RFX3: variants seen among roughly 807,000 people sequenced by gnomAD.
RFX3 encodes the protein transcription factor RFX3.
In RFX3, 14 loss-of-function variants were observed where a neutral mutation model predicts 98.6. The observed-to-expected ratio is 0.14, with a 90% CI of 0.09 to 0.22. RFX3 has a LOEUF of 0.22. Ranked by LOEUF, RFX3 falls within the 10% of genes least tolerant of loss-of-function variation. RFX3 has a pLI of 1.00. For missense variants in RFX3, 639 were observed against 926.9 expected (o/e 0.69, Z 4.03); for synonymous variants, 383 against 328.4 (o/e 1.17, Z -1.80).
At chr9:3,424,978 C>T (rs1221026480) in intron 1 of RFX3, among the ~76,000 whole-genome samples, 2 of 152,014 alleles carry the variant, frequency 1.3e-5, no homozygotes, top group Non-Finnish European at 2.9e-5. Context: ...ACCTGTAATC[C>T]CAGCACTTTG....
chr9:3,275,147 C>A (rs1356205367), intron 9 of RFX3, among the ~76,000 whole-genome samples: 1 of 151,604 alleles, frequency 6.6e-6, no homozygotes, highest in African/African-American at 2.4e-5. Context: ...TATAACCAAT[C>A]TTTTGCATTA....
intron 1 of RFX3, among the ~76,000 whole-genome samples, chr9:3,450,537 G>T (rs1047679455): frequency 1.3e-5 from 2 of 152,060 alleles, no homozygotes; most frequent in Non-Finnish European, 2.9e-5. Context: ...GATGTCTGAA[G>T]GTGGAAGAAA....
intron 1 of RFX3, among the ~76,000 whole-genome samples, chr9:3,410,161 CTGTGTGTGTGTGTGTGTGTGTGTGTG>C (rs555349379): frequency 8.8e-6 from 1 of 114,052 alleles, no homozygotes; most frequent in Non-Finnish European, 1.8e-5. Context: ...GTGAGATAAA[CTGTGTGTGTGTGTGTGTGTGTGTGTG>C]TGTGTGTGTG....
At chr9:3,449,223 C>T (rs1424252222) in intron 1 of RFX3, among the ~76,000 whole-genome samples, 9 of 152,172 alleles carry the variant, frequency 5.9e-5, no homozygotes, top group African/African-American at 1.9e-4. Context: ...TTCCTTCTGT[C>T]GTGTCCAAGA....
chr9:3,366,052 A>G (rs1837027642), intron 2 of RFX3, among the ~76,000 whole-genome samples: 1 of 152,026 alleles, frequency 6.6e-6, no homozygotes, highest in Non-Finnish European at 1.5e-5. Flanking sequence ...AGGTTCCACC[A>G]CCTTTTAGTT....
chr9:3,369,205 T>G (rs2131526470), intron 2 of RFX3, among the ~76,000 whole-genome samples: 1 of 152,360 alleles, frequency 6.6e-6, no homozygotes, highest in South Asian at 2.1e-4. Context: ...CAGAAATTTA[T>G]TTCTCACAGT....
chr9:3,474,024 G>C (rs749954469), intron 1 of RFX3, among the ~76,000 whole-genome samples: 1 of 152,184 alleles, frequency 6.6e-6, no homozygotes, highest in Non-Finnish European at 1.5e-5. Flanking sequence ...CAGTAGGTCT[G>C]GAGTAAAACC....
Position 3,475,773 on chromosome 9 carries a change from A to G in RFX3, c.-9+49974T>C, listed in dbSNP as rs113388532. Among the ~76,000 whole-genome samples, 8 of 152,308 alleles carry G rather than the reference A, an allele frequency of 5.3e-5. 1 individual carries two copies. Among genetic ancestry groups the G allele is most frequent in the Admixed American group, 1.3e-4 (2 of 15,308 alleles). ...CACAGGGAGACAGTCAGGCCTCCAG[A>G]TAACTGTGGGCAGGCTTGACTGATG... On this transcript the variant is annotated intron_variant, in intron 1 of 16. Coordinates refer to ENST00000617270, the MANE Select transcript of RFX3 (RefSeq NM_001282116.2).
chr9:3,373,141 G>C (rs1267537211), intron 2 of RFX3, among the ~76,000 whole-genome samples: 1 of 152,118 alleles, frequency 6.6e-6, no homozygotes, highest in African/African-American at 2.4e-5. Context: ...GGGAAGACTA[G>C]CAAATATTCA....
At chr9:3,340,114 C>A (rs929224208) in intron 3 of RFX3, among the ~76,000 whole-genome samples, 2 of 152,194 alleles carry the variant, frequency 1.3e-5, no homozygotes, top group African/African-American at 4.8e-5. Context: ...CTACAACCAT[C>A]TGATCTTTGA....
rs535724334 is a variant in RFX3 at position 3,377,479 on chromosome 9, C to A, written c.117+17993G>T. Among the ~76,000 whole-genome samples, 28 of 152,166 alleles carry A rather than the reference C, an allele frequency of 1.8e-4. No homozygotes were observed. In the South Asian group the frequency reaches 5.4e-3, roughly 29 times the overall value. On this transcript the variant is annotated intron_variant, in intron 2 of 16. Transcript: ENST00000617270. The stretch of plus-strand genomic sequence containing the variant: ...GGAAGGGATAACATTAGGATATATA[C>A]CTAACATAAATGACAAGTTAATGGG...
intron 4 of RFX3, among the ~76,000 whole-genome samples, chr9:3,328,747 T>C (rs1832222491): frequency 6.6e-6 from 1 of 152,170 alleles, no homozygotes; most frequent in African/African-American, 2.4e-5. Context: ...ACACAAAGTA[T>C]ATACAAAGTA....
At position 3,349,324 on chromosome 9, in the gene RFX3, G is replaced by T. The variant is rs564264865; in HGVS notation, c.118-2560C>A. ...GTTTCCTTCAATTTTCTGCCCTTAA[G>T]ATATATGCCCCTAGAGATGTGTAAT... On this transcript the variant is annotated intron_variant, in intron 2 of 16. Coordinates refer to ENST00000617270, the MANE Select transcript of RFX3 (RefSeq NM_001282116.2). 5.3e-5 allele frequency among the ~76,000 whole-genome samples: 8 copies of T among 151,924 alleles called. No homozygotes were observed. In the East Asian group the frequency reaches 1.5e-3, roughly 29 times the overall value.
chr9:3,302,053 T>C (rs1346060808), intron 4 of RFX3, among the ~76,000 whole-genome samples: 8 of 151,898 alleles, frequency 5.3e-5, no homozygotes, highest in African/African-American at 1.9e-4. Context: ...TTGAGTTTAA[T>C]ATGCATTAAT....
chr9:3,469,516 T>C (rs1848590510), intron 1 of RFX3, among the ~76,000 whole-genome samples: 1 of 152,162 alleles, frequency 6.6e-6, no homozygotes, highest in Non-Finnish European at 1.5e-5. Flanking sequence ...AAGGTCATTA[T>C]TCTTGATTGT....
chr9:3,520,834 C>T (rs1818638024), intron 1 of RFX3, among the ~76,000 whole-genome samples: 1 of 152,142 alleles, frequency 6.6e-6, no homozygotes, highest in Admixed American at 6.5e-5. Flanking sequence ...ACCGGCAAGG[C>T]TGGCTAATTT....
At chr9:3,233,555 A>G (rs1184260578) in intron 15 of RFX3, among the ~76,000 whole-genome samples, 1 of 152,166 alleles carries the variant, frequency 6.6e-6, no homozygotes, top group African/African-American at 2.4e-5. Context: ...AGAAACAGAG[A>G]CTGGAACAGA....
chr9:3,481,931 G>C (rs934341744), intron 1 of RFX3, among the ~76,000 whole-genome samples: 3 of 152,064 alleles, frequency 2.0e-5, no homozygotes, highest in African/African-American at 4.8e-5. Context: ...AAACATTAAA[G>C]CATTATTGCT....
At chr9:3,280,044 A>G (rs1233678662) in intron 7 of RFX3, among the ~76,000 whole-genome samples, 2 of 151,808 alleles carry the variant, frequency 1.3e-5, no homozygotes, top group East Asian at 3.9e-4. Context: ...ATATATCAGA[A>G]CTTGGAAATG....
Sources: gnomAD v4.1 joint callset for allele counts (sites outside exome capture counted in the v4.1 genomes callset) on GRCh38, gnomAD v4.1.1 for gene constraint, MANE v1.5 for transcripts, NCBI Gene and HGNC (gene_info 2026-07-23, HGNC 2026-07-21) for gene names.